UBAC2: variants seen among roughly 807,000 people sequenced by gnomAD.
UBAC2 encodes UBA domain containing 2, also known as ubiquitin-associated domain-containing protein 2.
Under a neutral mutation model 44.0 loss-of-function variants are expected in UBAC2, and 26 were observed. The observed-to-expected ratio is 0.59, with a 90% CI of 0.43 to 0.82. The LOEUF is 0.82. Among genes scored for constraint, UBAC2 ranks in the 40% least tolerant of loss-of-function variants. The probability of loss-of-function intolerance (pLI) is 0.00; values close to 1 mark genes in which losing one functional copy is unlikely to be tolerated. For synonymous variants in UBAC2, 155 were observed against 154.3 expected (o/e 1.00, Z -0.04); for missense variants, 329 against 419.4 (o/e 0.78, Z 1.88).
chr13:99,257,138 A>G (rs2043577344), intron 4 of UBAC2, among the ~76,000 whole-genome samples: 1 of 151,982 alleles, frequency 6.6e-6, no homozygotes, highest in South Asian at 2.1e-4. Flanking sequence ...TTCCTTCTCA[A>G]ATATTTAGGT....
intron 1 of UBAC2, among the ~76,000 whole-genome samples, chr13:99,206,375 G>A (rs1305808921): frequency 6.6e-6 from 1 of 152,198 alleles, no homozygotes; most frequent in Non-Finnish European, 1.5e-5. Flanking sequence ...GGCAGAGCTG[G>A]GGGCTTCTGT....
intron 4 of UBAC2, among the ~76,000 whole-genome samples, chr13:99,309,039 A>G (rs909015071): frequency 6.6e-6 from 1 of 152,124 alleles, no homozygotes; most frequent in African/African-American, 2.4e-5. Flanking sequence ...AGTTATATTA[A>G]GTAAAACATT....
At chr13:99,342,749 CCCTT>C (rs2044911249) in intron 7 of UBAC2, among the ~76,000 whole-genome samples, 1 of 152,202 alleles carries the variant, frequency 6.6e-6, no homozygotes. Context: ...CTTGTTCCCT[CCCTT>C]CCAGTCCCCT....
chr13:99,350,430 G>C (rs893521573), intron 7 of UBAC2, among the ~76,000 whole-genome samples: 1 of 152,102 alleles, frequency 6.6e-6, no homozygotes, highest in Non-Finnish European at 1.5e-5. Context: ...TTAGGGAGAG[G>C]GGTTGAGTTG....
chr13:99,280,173 C>T (rs1053110326), intron 4 of UBAC2, among the ~76,000 whole-genome samples: 5 of 152,120 alleles, frequency 3.3e-5, no homozygotes, highest in African/African-American at 1.2e-4. Context: ...TCCTTTACAC[C>T]TTGAGAAATC....
intron 7 of UBAC2, among the ~76,000 whole-genome samples, chr13:99,360,477 A>G (rs146059805): frequency 3.9e-5 from 6 of 152,348 alleles, no homozygotes; most frequent in Admixed American, 6.5e-5. Flanking sequence ...AGGTGTTACA[A>G]TAAGAGGCAG....
intron 4 of UBAC2, among the ~76,000 whole-genome samples, chr13:99,292,385 A>C (rs1035353465): frequency 6.6e-6 from 1 of 150,562 alleles, no homozygotes; most frequent in Non-Finnish European, 1.5e-5. Context: ...CTCGTGATTC[A>C]CCCGCCTCGG....
In UBAC2 at chr13:99,374,692, A is replaced by G. The variant is rs116235650; in HGVS notation, c.927+6786A>G. The stretch of plus-strand genomic sequence containing the variant: ...CTCACCTTCTGAAAGCAGGGCTCTA[A>G]TATTTATTGGTTTTGAGACACATCT... On this transcript the variant is annotated intron_variant, in intron 8 of 8. Transcript: ENST00000403766. Among the ~76,000 whole-genome samples the G allele has an allele frequency of 1.4e-3, 214 of 152,272 alleles. 2 individuals carry two copies. Among genetic ancestry groups the G allele is most frequent in the African/African-American group, 4.9e-3 (202 of 41,552 alleles).
intron 6 of UBAC2, among the ~76,000 whole-genome samples, chr13:99,331,899 G>A (rs556750525): frequency 6.6e-5 from 10 of 151,968 alleles, no homozygotes; most frequent in East Asian, 3.9e-4. Flanking sequence ...AGGCTGGCAC[G>A]TATTAGCATT....
intron 4 of UBAC2, among the ~76,000 whole-genome samples, chr13:99,249,173 C>T (rs1295888205): frequency 6.6e-6 from 1 of 151,994 alleles, no homozygotes; most frequent in Admixed American, 6.6e-5. Context: ...CCCTTGCTCC[C>T]CTCCGTCCTT....
At chr13:99,213,365 T>A (rs2042955869) in intron 1 of UBAC2, among the ~76,000 whole-genome samples, 1 of 152,020 alleles carries the variant, frequency 6.6e-6, no homozygotes, top group Non-Finnish European at 1.5e-5. Flanking sequence ...CATAACTTTT[T>A]TTTTGTTTTT....
At position 99,303,484 on chromosome 13, in the gene UBAC2, A is replaced by G. The variant is rs191015710; in HGVS notation, c.390-10613A>G. Among the ~76,000 whole-genome samples the G allele has an allele frequency of 2.4e-4, 37 of 152,360 alleles. No individual in the cohort carries two copies. In the East Asian group the frequency reaches 5.6e-3, roughly 23 times the overall value. ...TTTGGTGGCTTTTATATTGAAAAGT[A>G]TGGAAGTTATTGAAGATGAAGATGA... On this transcript the variant is annotated intron_variant, in intron 4 of 8. Transcript: ENST00000403766.
intron 6 of UBAC2, among the ~76,000 whole-genome samples, chr13:99,323,570 G>A (rs1161407836): frequency 1.3e-5 from 2 of 152,154 alleles, no homozygotes; most frequent in African/African-American, 4.8e-5. Flanking sequence ...AAATTTGGAG[G>A]GTGCCTTATA....
intron 6 of UBAC2, among the ~76,000 whole-genome samples, chr13:99,325,484 C>G (rs2044629391): frequency 6.6e-6 from 1 of 152,168 alleles, no homozygotes; most frequent in Non-Finnish European, 1.5e-5. Flanking sequence ...CTCACATATC[C>G]CTTCTTCTAG....
At position 99,203,287 on chromosome 13, in the gene UBAC2, C is replaced by T. The variant is rs541227187; in HGVS notation, c.31+2348C>T. ...CTGACCTCAAGTGGTCCTCCCGCCT[C>T]GGCCTCCAAAAGTGCTGGGATTACA... On this transcript the variant is annotated intron_variant, in intron 1 of 8. Coordinates refer to ENST00000403766, the MANE Select transcript of UBAC2 (RefSeq NM_001144072.2). Among the ~76,000 whole-genome samples the T allele has an allele frequency of 8.5e-5, 13 of 152,232 alleles. No homozygotes were observed. In the East Asian group the frequency reaches 1.7e-3, roughly 20 times the overall value.
intron 4 of UBAC2, among the ~76,000 whole-genome samples, chr13:99,274,333 C>T (rs1045504986): frequency 1.1e-4 from 16 of 151,610 alleles, no homozygotes; most frequent in Admixed American, 7.2e-4. Context: ...ATCCATTCTA[C>T]TGCTTTTTTT....
At chr13:99,261,512 T>G (rs1004088168) in intron 4 of UBAC2, 1 of 152,238 alleles carries the variant, frequency 6.6e-6, no homozygotes, top group Non-Finnish European at 1.5e-5. Context: ...TCCTTTCTGT[T>G]TGGTTTCCTA....
chr13:99,364,828 G>A lies in UBAC2; in HGVS notation c.808-2959G>A, dbSNP rs552107336. On this transcript the variant is annotated intron_variant, in intron 7 of 8. Transcript: ENST00000403766. ...CTTTATTAGATTACAGTATGTGAAT[G>A]CACCATAACTTACCCATTCTATAGT... Among the ~76,000 whole-genome samples the A allele has an allele frequency of 1.4e-4, 22 of 152,304 alleles. 1 individual carries two copies. The South Asian group carries it at 4.4e-3, about 30-fold the overall frequency.
intron 1 of UBAC2, chr13:99,201,491 T>G (rs138692541): frequency 8.9e-5 from 144 of 1,614,032 alleles, no homozygotes; most frequent in Non-Finnish European, 1.2e-4. Context: ...GGAGGGAAGT[T>G]AGGAAGTCGT....
Sources: gnomAD v4.1 joint callset for allele counts (sites outside exome capture counted in the v4.1 genomes callset) on GRCh38, gnomAD v4.1.1 for gene constraint, MANE v1.5 for transcripts, NCBI Gene and HGNC (gene_info 2026-07-23, HGNC 2026-07-21) for gene names.